Variants in TENM2 observed in about 807,000 individuals in gnomAD.
TENM2 encodes the protein teneurin-2.
TENM2 carries 52 observed loss-of-function variants against 245.2 expected under a neutral mutation model. The ratio of observed to expected loss-of-function variants is 0.21; its 90% CI spans 0.17 to 0.27. TENM2 has a LOEUF of 0.27. TENM2 is among the 10% of genes least tolerant of loss of function. The pLI, the probability that TENM2 is intolerant of heterozygous loss-of-function variation, is 1.00. For missense variants in TENM2, 3,046 were observed against 3,666.8 expected (o/e 0.83, Z 4.37); for synonymous variants, 1,363 against 1,438.9 (o/e 0.95, Z 1.19).
At chr5:167,064,162 A>T in the TENM2 span, among the ~76,000 whole-genome samples, 1 of 152,190 alleles carries the variant, frequency 6.6e-6, no homozygotes, top group South Asian at 2.1e-4. Context: ...AGCCCAAGGT[A>T]GGCGGACGGG....
intron 2 of TENM2, chr5:167,729,121 T>C (rs1760240006): frequency 6.6e-6 from 1 of 152,186 alleles, no homozygotes; most frequent in Non-Finnish European, 1.5e-5. Context: ...GTTGAAAACC[T>C]AGGCACAGCT....
intron 1 of TENM2, among the ~76,000 whole-genome samples, chr5:167,350,413 ATGTGTGTGTGTGTGTGTGTG>A (rs35747170): frequency 7.0e-6 from 1 of 141,928 alleles, no homozygotes; most frequent in Middle Eastern, 3.6e-3. Context: ...ATACATATAT[ATGTGTGTGTGTGTGTGTGTG>A]TGTGTGTGTG....
chr5:167,505,757 A>G (rs1347198163), intron 2 of TENM2, among the ~76,000 whole-genome samples: 1 of 152,200 alleles, frequency 6.6e-6, no homozygotes, highest in African/African-American at 2.4e-5. Flanking sequence ...GCATAAATTT[A>G]AAACCCACAT....
At chr5:168,160,051 C>A (rs1757608831) in intron 12 of TENM2, among the ~76,000 whole-genome samples, 1 of 152,166 alleles carries the variant, frequency 6.6e-6, no homozygotes, top group African/African-American at 2.4e-5. Flanking sequence ...AGCTAAATAA[C>A]AAAGCTCCAC....
At chr5:167,991,475 C>T (rs1562023575) in intron 4 of TENM2, among the ~76,000 whole-genome samples, 1 of 152,182 alleles carries the variant, frequency 6.6e-6, no homozygotes, top group East Asian at 1.9e-4. Context: ...GACAAGTCAT[C>T]GTTTTAAACA....
intron 1 of TENM2, among the ~76,000 whole-genome samples, chr5:167,298,582 C>T (rs997703169): frequency 4.6e-5 from 7 of 152,046 alleles, no homozygotes; most frequent in Admixed American, 3.9e-4. Flanking sequence ...CCAGCCTGGG[C>T]GACAGCGAGA....
chr5:167,810,765 A>T (rs1766577970), intron 2 of TENM2, among the ~76,000 whole-genome samples: 1 of 152,166 alleles, frequency 6.6e-6, no homozygotes, highest in East Asian at 1.9e-4. Context: ...AATGGACAAC[A>T]AAGAAATTGC....
chr5:167,753,808 C>T (rs1762110711), intron 2 of TENM2, among the ~76,000 whole-genome samples: 1 of 152,154 alleles, frequency 6.6e-6, no homozygotes, highest in Non-Finnish European at 1.5e-5. Context: ...CTTTGAAGAG[C>T]TCACTGATCA....
the TENM2 span, among the ~76,000 whole-genome samples, chr5:167,008,681 TG>T: frequency 3.9e-4 from 59 of 152,316 alleles, 1 homozygote; most frequent in Non-Finnish European, 4.9e-4. Flanking sequence ...ATTTGTCATT[TG>T]TTTGGACTTT....
chr5:167,453,780 C>T (rs947837957), intron 2 of TENM2, among the ~76,000 whole-genome samples: 7 of 152,252 alleles, frequency 4.6e-5, no homozygotes, highest in African/African-American at 7.2e-5. Context: ...GTTAAAACAT[C>T]CACTCATCTC....
At chr5:167,210,113 A>T in the TENM2 span, among the ~76,000 whole-genome samples, 1 of 152,196 alleles carries the variant, frequency 6.6e-6, no homozygotes, top group East Asian at 1.9e-4. Flanking sequence ...AACCCACAGG[A>T]TAACTTCATA....
chr5:168,201,643 A>G (rs896355715), intron 17 of TENM2, among the ~76,000 whole-genome samples: 1 of 152,130 alleles, frequency 6.6e-6, no homozygotes, highest in African/African-American at 2.4e-5. Context: ...ATAGCCCATC[A>G]TTGTTCAGTA....
chr5:168,238,221 GAAGAAAAGAAAAGAAAAGAAAAGAAA>G lies in TENM2; in HGVS notation c.5521-6197_5521-6172del, dbSNP rs1765722885. Among the ~76,000 whole-genome samples the G allele has an allele frequency of 2.9e-4, 7 of 24,382 alleles. 1 individual carries two copies. The highest frequency in any genetic ancestry group is 6.9e-4 in the African/African-American group (5 of 7,292). The allele number at this position is 24,382 out of a possible 152,430, so 16.0% of individuals were successfully genotyped here. On this transcript the variant is annotated intron_variant, in intron 25 of 28. Coordinates refer to ENST00000518659, the Ensembl canonical transcript of TENM2. ...AGGGAGGGAGGGAGGGAGGGAGAGA[GAAGAAAAGAAAAGAAAAGAAAAGAAA>G]AGAAAAGAAAAGAAAAGAAAAGAAA...
In TENM2 at chr5:167,975,662, A is replaced by G. The variant is rs540166818; in HGVS notation, c.948-17282A>G. Among the ~76,000 whole-genome samples, 102 of 152,294 alleles carry G rather than the reference A, an allele frequency of 6.7e-4. No individual in the cohort carries two copies. The Middle Eastern group carries it at 0.01, about 15-fold the overall frequency. The stretch of plus-strand genomic sequence containing the variant: ...AGAGCTCTTGTGTCATTTCATGAAG[A>G]GTTCTAAATAAGAAGAAAATATTGT... On this transcript the variant is annotated intron_variant, in intron 4 of 28. Transcript: ENST00000518659.
chr5:167,002,697 C>T, the TENM2 span, among the ~76,000 whole-genome samples: 1 of 151,756 alleles, frequency 6.6e-6, no homozygotes, highest in Non-Finnish European at 1.5e-5. Context: ...TCTTCGAGCC[C>T]AGGAGTTCAA....
At chr5:167,030,110 C>G in the TENM2 span, among the ~76,000 whole-genome samples, 13 of 152,162 alleles carry the variant, frequency 8.5e-5, no homozygotes, top group Non-Finnish European at 1.6e-4. Flanking sequence ...TCCTCATCCT[C>G]TATTCAATGG....
At chr5:168,047,913 A>G (rs1157152198) in intron 6 of TENM2, among the ~76,000 whole-genome samples, 3 of 152,036 alleles carry the variant, frequency 2.0e-5, no homozygotes, top group Non-Finnish European at 4.4e-5. Context: ...GCAGCAGGAG[A>G]AAGTCCTGCC....
At chr5:167,042,509 A>G in the TENM2 span, among the ~76,000 whole-genome samples, 3 of 152,222 alleles carry the variant, frequency 2.0e-5, no homozygotes, top group Non-Finnish European at 4.4e-5. Flanking sequence ...GTGTGGAATC[A>G]AAGAAGAATT....
intron 2 of TENM2, among the ~76,000 whole-genome samples, chr5:167,729,670 G>A (rs1760279381): frequency 6.6e-6 from 1 of 152,152 alleles, no homozygotes; most frequent in Middle Eastern, 3.2e-3. Flanking sequence ...ACTATCTAAG[G>A]CCTGAAGGAA....
Sources: gnomAD v4.1 joint callset for allele counts (sites outside exome capture counted in the v4.1 genomes callset) on GRCh38, gnomAD v4.1.1 for gene constraint, MANE v1.5 for transcripts, NCBI Gene and HGNC (gene_info 2026-07-23, HGNC 2026-07-21) for gene names.